EIF4G3: variants seen among roughly 807,000 people sequenced by gnomAD.
EIF4G3 encodes the protein eukaryotic translation initiation factor 4 gamma 3.
Under a neutral mutation model 186.4 loss-of-function variants are expected in EIF4G3, and 34 were observed. The observed-to-expected ratio is 0.18, with a 90% CI of 0.14 to 0.24. The LOEUF is 0.24. Among genes scored for constraint, EIF4G3 ranks in the 10% least tolerant of loss-of-function variants. The pLI, the probability that EIF4G3 is intolerant of heterozygous loss-of-function variation, is 1.00. For missense variants in EIF4G3, 1,536 were observed against 1,948.5 expected (o/e 0.79, Z 3.99); for synonymous variants, 673 against 679.5 (o/e 0.99, Z 0.15).
chr1:21,173,354 G>A lies in EIF4G3; in HGVS notation c.-272+2821C>T, dbSNP rs1384760852. Among the ~76,000 whole-genome samples the A allele has an allele frequency of 2.6e-5, 4 of 151,238 alleles. No individual in the cohort carries two copies. The East Asian group carries it at 6.1e-4, about 23-fold the overall frequency. On this transcript the variant is annotated intron_variant, in intron 2 of 36. Coordinates refer to ENST00000602326, the MANE Select transcript of EIF4G3 (RefSeq NM_001391906.1). ...TGAAATTACAGGCAGGCGCCACCACGCCCGGCTAATTTTTGTACTTTTAGT... is the reference window on the plus strand; with the variant it reads ...TGAAATTACAGGCAGGCGCCACCACACCCGGCTAATTTTTGTACTTTTAGT...
chr1:20,882,536 G>A (rs976641537), intron 19 of EIF4G3, among the ~76,000 whole-genome samples: 16 of 151,582 alleles, frequency 1.1e-4, no homozygotes, highest in Admixed American at 3.3e-4. Context: ...CAGGAGAATC[G>A]CTTGAACCCA....
intron 14 of EIF4G3, among the ~76,000 whole-genome samples, chr1:20,933,657 T>TG (rs555057011): frequency 1.4e-3 from 215 of 151,232 alleles, no homozygotes; most frequent in Middle Eastern, 3.4e-3. Context: ...CTCTATCTTG[T>TG]GGGGGGAAAA....
intron 14 of EIF4G3, chr1:20,941,181 A>G: frequency 6.8e-7 from 1 of 1,476,608 alleles, no homozygotes; most frequent in Non-Finnish European, 9.0e-7. Flanking sequence ...AAAATTAAGC[A>G]TTGAGAAACC....
chr1:21,170,975 G>A (rs889847001), intron 2 of EIF4G3, among the ~76,000 whole-genome samples: 5 of 117,864 alleles, frequency 4.2e-5, no homozygotes, highest in African/African-American at 1.3e-4. Context: ...GCAAGTCCCT[G>A]TCTAAAAAAA....
chr1:21,099,397 T>C (rs1445541686), intron 2 of EIF4G3, among the ~76,000 whole-genome samples: 1 of 152,216 alleles, frequency 6.6e-6, no homozygotes, highest in East Asian at 1.9e-4. Flanking sequence ...AGACAAACTA[T>C]GGTACATCCA....
intron 14 of EIF4G3, among the ~76,000 whole-genome samples, chr1:20,909,762 T>C (rs1294353832): frequency 1.3e-5 from 2 of 151,684 alleles, no homozygotes; most frequent in South Asian, 2.1e-4. Flanking sequence ...AAAATTCTTA[T>C]ATAGTCAATC....
At chr1:20,837,867 T>A (rs986925622) in intron 30 of EIF4G3, among the ~76,000 whole-genome samples, 8 of 152,092 alleles carry the variant, frequency 5.3e-5, no homozygotes, top group African/African-American at 1.9e-4. Flanking sequence ...GGCACTAAAT[T>A]GTCAGGCCTC....
chr1:20,818,589 T>C (rs752720648), intron 33 of EIF4G3, among the ~76,000 whole-genome samples: 3 of 151,984 alleles, frequency 2.0e-5, no homozygotes, highest in Non-Finnish European at 2.9e-5. Flanking sequence ...CTGCAGTGAA[T>C]TGTCATTGTG....
Position 21,176,261 on chromosome 1 carries a change from CGCCGCTGCT to C in EIF4G3, c.-367_-359del, listed in dbSNP as rs1345978076. 5.4e-6 allele frequency: 2 copies of C among 369,930 alleles called. No homozygotes were observed. Among genetic ancestry groups the C allele is most frequent in the African/African-American group, 2.2e-5 (1 of 45,824 alleles). 22.9% of individuals were successfully genotyped at this position (369,930 alleles called of 1,614,324 possible). Reference sequence around the variant, plus strand: ...CCGCCGCCGCCGCCGCCGCCGCCGCCGCCGCTGCTGCCGCCGCCGGGTGAGGAGGCGGTA... The same window carrying C: ...CCGCCGCCGCCGCCGCCGCCGCCGCCGCCGCCGCCGGGTGAGGAGGCGGTA... On this transcript the variant is annotated 5_prime_UTR_variant, in exon 2 of 37. Transcript: ENST00000602326.
intron 12 of EIF4G3, among the ~76,000 whole-genome samples, chr1:20,957,677 G>A (rs2096467930): frequency 6.6e-6 from 1 of 151,878 alleles, no homozygotes; most frequent in African/African-American, 2.4e-5. Context: ...AGAAAAGAGA[G>A]AAGATCCAAA....
At chr1:21,083,019 C>T (rs1037954390) in intron 3 of EIF4G3, among the ~76,000 whole-genome samples, 1 of 117,916 alleles carries the variant, frequency 8.5e-6, no homozygotes, top group Non-Finnish European at 1.6e-5. Context: ...ACCTGGGAGA[C>T]ACAGCGAGAC....
intron 30 of EIF4G3, among the ~76,000 whole-genome samples, chr1:20,837,517 C>T (rs2067121286): frequency 2.0e-5 from 3 of 152,146 alleles, no homozygotes; most frequent in African/African-American, 4.8e-5. Flanking sequence ...TTTCTGCTTT[C>T]TAACCTTCCC....
At position 20,893,530 on chromosome 1, in the gene EIF4G3, C is replaced by T; in HGVS notation, c.2240G>A (p.Gly747Glu). ...FADFGRQTPG[G>E]RGVPLLNVGS... Reference sequence around the variant, plus strand: ...ACTTGCACTTACAGGTACGCCTCTTCCACCAGGTGTCTGCCTTCCAAAATC... The same window carrying T: ...ACTTGCACTTACAGGTACGCCTCTTTCACCAGGTGTCTGCCTTCCAAAATC... Residue 747 changes from glycine to glutamate, a missense_variant, in exon 18 of 37, where the codon GGA becomes GAA. Physicochemically the swap from Gly to Glu is moderately conservative, Grantham distance 98 (BLOSUM62 -2). Coordinates refer to ENST00000602326, the MANE Select transcript of EIF4G3 (RefSeq NM_001391906.1). The T allele has an allele frequency of 3.7e-6, 6 of 1,600,962 alleles. No homozygotes were observed. The highest frequency in any genetic ancestry group is 5.1e-6 in the Non-Finnish European group (6 of 1,170,294).
At chr1:21,080,978 G>A (rs140393933) in intron 3 of EIF4G3, among the ~76,000 whole-genome samples, 17 of 152,142 alleles carry the variant, frequency 1.1e-4, no homozygotes, top group East Asian at 1.9e-4. Context: ...AAATATATAC[G>A]ACAAAATTAT....
chr1:20,815,530 AAACCCTCTGCCTGGCAACCGCCCCGTCT>A (rs2060401708), intron 34 of EIF4G3, among the ~76,000 whole-genome samples: 1 of 151,190 alleles, frequency 6.6e-6, no homozygotes, highest in Non-Finnish European at 1.5e-5. Context: ...AGAAGTGAGG[AAACCCTCTGCCTGGCAACCGCCCCGTCT>A]GAGAAGTGGG....
intron 34 of EIF4G3, among the ~76,000 whole-genome samples, chr1:20,814,339 C>T (rs1238586894): frequency 6.6e-6 from 1 of 152,110 alleles, no homozygotes. Context: ...TTGGCTATTG[C>T]CAGTTCTATG....
chr1:20,888,480 A>G (rs1370654087), intron 18 of EIF4G3, among the ~76,000 whole-genome samples: 1 of 152,152 alleles, frequency 6.6e-6, no homozygotes, highest in African/African-American at 2.4e-5. Context: ...CAATTAATCA[A>G]TCTCTAATGT....
chr1:20,913,875 C>T (rs2093562327), intron 14 of EIF4G3, among the ~76,000 whole-genome samples: 1 of 140,358 alleles, frequency 7.1e-6, no homozygotes, highest in South Asian at 2.2e-4. Context: ...GGTGCGATCT[C>T]GGCTCACTGC....
At chr1:21,087,630 C>T (rs1182999128) in intron 3 of EIF4G3, among the ~76,000 whole-genome samples, 1 of 150,916 alleles carries the variant, frequency 6.6e-6, no homozygotes, top group Non-Finnish European at 1.5e-5. Context: ...TTGCCTCTAC[C>T]AAAAAAAATT....
Sources: allele counts gnomAD v4.1 joint callset (sites outside exome capture counted in the v4.1 genomes callset), GRCh38; gene constraint gnomAD v4.1.1; transcripts MANE v1.5; gene names NCBI Gene and HGNC (gene_info 2026-07-23, HGNC 2026-07-21).